GPR158: variants seen among roughly 807,000 people sequenced by gnomAD.
The protein encoded by GPR158 is metabotropic glycine receptor.
GPR158 carries 30 observed loss-of-function variants against 78.2 expected under a neutral mutation model. The ratio of observed to expected loss-of-function variants is 0.38; its 90% CI spans 0.29 to 0.52. GPR158 has a LOEUF of 0.52. GPR158 is among the 20% of genes least tolerant of loss of function. GPR158 has a pLI of 0.83. For synonymous variants in GPR158, 581 were observed against 591.1 expected (o/e 0.98, Z 0.25); for missense variants, 1,463 against 1,523.5 (o/e 0.96, Z 0.66).
chr10:25,381,481 G>GGA (rs1417289283), intron 2 of GPR158, among the ~76,000 whole-genome samples: 1 of 152,118 alleles, frequency 6.6e-6, no homozygotes, highest in Non-Finnish European at 1.5e-5. Context: ...TTAATAATGA[G>GGA]GAACGTTGCT....
At chr10:25,497,232 C>A (rs1344746900) in intron 5 of GPR158, among the ~76,000 whole-genome samples, 2 of 152,048 alleles carry the variant, frequency 1.3e-5, no homozygotes, top group African/African-American at 4.8e-5. Flanking sequence ...AACAATAATC[C>A]CAGGAGATGC....
At chr10:25,287,311 C>T (rs1854366069) in intron 2 of GPR158, among the ~76,000 whole-genome samples, 1 of 152,014 alleles carries the variant, frequency 6.6e-6, no homozygotes, top group Non-Finnish European at 1.5e-5. Context: ...CTTGACCCTC[C>T]ACCAGTACTT....
At chr10:25,581,025 C>G (rs375008928) in intron 7 of GPR158, among the ~76,000 whole-genome samples, 1 of 148,330 alleles carries the variant, frequency 6.7e-6, no homozygotes, top group South Asian at 2.2e-4. Flanking sequence ...CCCGGGTTCA[C>G]GCCATTCTCC....
intron 2 of GPR158, among the ~76,000 whole-genome samples, chr10:25,367,457 C>T (rs745611057): frequency 1.2e-4 from 18 of 151,778 alleles, no homozygotes; most frequent in African/African-American, 4.1e-4. Context: ...TTCAAGATTT[C>T]GTTTTGGCTC....
At chr10:25,503,165 AG>A (rs1835963801) in intron 5 of GPR158, among the ~76,000 whole-genome samples, 1 of 151,454 alleles carries the variant, frequency 6.6e-6, no homozygotes, top group South Asian at 2.1e-4. Context: ...GGAATTCAGG[AG>A]CTCGTGACCA....
At chr10:25,246,546 C>T (rs758681667) in intron 2 of GPR158, among the ~76,000 whole-genome samples, 28 of 152,126 alleles carry the variant, frequency 1.8e-4, no homozygotes, top group Non-Finnish European at 3.7e-4. Flanking sequence ...TATGTAAAAG[C>T]TGATGAGCTG....
chr10:25,229,674 A>G lies in GPR158; in HGVS notation c.1008+8517A>G, dbSNP rs563172720. Among the ~76,000 whole-genome samples, 124 of 152,318 alleles carry G rather than the reference A, an allele frequency of 8.1e-4. 1 individual carries two copies. Among genetic ancestry groups the G allele is most frequent in the African/African-American group, 2.9e-3 (122 of 41,580 alleles). On this transcript the variant is annotated intron_variant, in intron 2 of 10. Coordinates refer to ENST00000376351, the MANE Select transcript of GPR158 (RefSeq NM_020752.3). ...CTAGGCCTATTTTTGTTTTACTACAATCATATCCTTCTTATTTTCTAGGAA... is the reference window on the plus strand; with the variant it reads ...CTAGGCCTATTTTTGTTTTACTACAGTCATATCCTTCTTATTTTCTAGGAA...
At chr10:25,477,478 C>T (rs768073411) in intron 5 of GPR158, among the ~76,000 whole-genome samples, 2 of 152,098 alleles carry the variant, frequency 1.3e-5, no homozygotes, top group Non-Finnish European at 2.9e-5. Context: ...CTCAACCCTG[C>T]AATCTGCGTT....
chr10:25,189,787 T>A (rs578028742), intron 1 of GPR158, among the ~76,000 whole-genome samples: 100 of 130,588 alleles, frequency 7.7e-4, no homozygotes, highest in African/African-American at 1.6e-3. Context: ...AAGTATAATT[T>A]AAAAAAAAAA....
intron 2 of GPR158, among the ~76,000 whole-genome samples, chr10:25,337,624 A>G (rs1022142607): frequency 2.6e-5 from 4 of 152,024 alleles, no homozygotes; most frequent in Non-Finnish European, 5.9e-5. Context: ...GATTGTATAC[A>G]TATTTATACA....
chr10:25,266,539 A>G (rs930853612), intron 2 of GPR158, among the ~76,000 whole-genome samples: 2 of 152,164 alleles, frequency 1.3e-5, no homozygotes, highest in Non-Finnish European at 2.9e-5. Context: ...GGGAATGACT[A>G]TTTCACATGA....
intron 5 of GPR158, among the ~76,000 whole-genome samples, chr10:25,499,386 C>T (rs1156312878): frequency 2.0e-5 from 3 of 152,152 alleles, no homozygotes; most frequent in Admixed American, 6.5e-5. Flanking sequence ...AGAGCGGGTG[C>T]TGGGATGCCT....
At chr10:25,448,395 T>C (rs1427188066) in intron 4 of GPR158, among the ~76,000 whole-genome samples, 1 of 152,184 alleles carries the variant, frequency 6.6e-6, no homozygotes. Flanking sequence ...TGGCCGTATC[T>C]GACTTCTTTA....
chr10:25,232,672 G>A (rs1466954906), intron 2 of GPR158, among the ~76,000 whole-genome samples: 2 of 152,122 alleles, frequency 1.3e-5, no homozygotes, highest in Non-Finnish European at 2.9e-5. Context: ...GATTGAGAGA[G>A]AACAAGTGGG....
chr10:25,177,342 G>C (rs775012719), intron 1 of GPR158, among the ~76,000 whole-genome samples: 1 of 152,306 alleles, frequency 6.6e-6, no homozygotes, highest in Non-Finnish European at 1.5e-5. Flanking sequence ...GCTTAGGAGA[G>C]GGCCCAAGAT....
chr10:25,295,975 G>T (rs986444200), intron 2 of GPR158, among the ~76,000 whole-genome samples: 2 of 150,552 alleles, frequency 1.3e-5, no homozygotes, highest in Non-Finnish European at 2.9e-5. Flanking sequence ...ATTTCCATAG[G>T]TATTCTTGTG....
chr10:25,203,102 T>G (rs1160393517), intron 1 of GPR158, among the ~76,000 whole-genome samples: 1 of 151,740 alleles, frequency 6.6e-6, no homozygotes, highest in Non-Finnish European at 1.5e-5. Context: ...TGATGGGGTT[T>G]GATTTTTTTC....
chr10:25,338,403 A>G (rs932308823), intron 2 of GPR158, among the ~76,000 whole-genome samples: 45 of 135,092 alleles, frequency 3.3e-4, no homozygotes, highest in Non-Finnish European at 6.1e-4. Context: ...ATATATTATT[A>G]TATATAACGT....
At chr10:25,508,308 G>A (rs1292947691) in intron 5 of GPR158, among the ~76,000 whole-genome samples, 2 of 152,198 alleles carry the variant, frequency 1.3e-5, no homozygotes, top group East Asian at 3.8e-4. Context: ...GGGAGAGGGA[G>A]AGGGAAAGCT....
Sources: allele counts gnomAD v4.1 joint callset (sites outside exome capture counted in the v4.1 genomes callset), GRCh38; gene constraint gnomAD v4.1.1; transcripts MANE v1.5; gene names NCBI Gene and HGNC (gene_info 2026-07-23, HGNC 2026-07-21).